MTMR3: variants seen among roughly 807,000 people sequenced by gnomAD.
MTMR3 encodes myotubularin related protein 3.
MTMR3 carries 32 observed loss-of-function variants against 132.4 expected under a neutral mutation model. The ratio of observed to expected loss-of-function variants is 0.24; its 90% CI spans 0.18 to 0.32. MTMR3 has a LOEUF of 0.32. Among genes scored for constraint, MTMR3 ranks in the 10% least tolerant of loss-of-function variants. The probability of loss-of-function intolerance (pLI) is 1.00; values close to 1 mark genes in which losing one functional copy is unlikely to be tolerated. For synonymous variants in MTMR3, 556 were observed against 550.3 expected, an observed-to-expected ratio of 1.01 and a Z score of -0.14; for missense variants, 1,216 against 1,489.6, an observed-to-expected ratio of 0.82 and a Z score of 3.02.
intron 16 of MTMR3, chr22:30,019,081 C>T (rs1350113193): frequency 5.9e-6 from 1 of 169,390 alleles, no homozygotes. Context: ...GTGGCACACA[C>T]CTATAATCCC....
chr22:29,915,322 TTTTAC>T (rs2065287891), intron 1 of MTMR3, among the ~76,000 whole-genome samples: 1 of 152,218 alleles, frequency 6.6e-6, no homozygotes, highest in South Asian at 2.1e-4. Flanking sequence ...TTTCCCATCC[TTTTAC>T]TTTTAGTCTG....
At chr22:30,025,521 G>A in intron 19 of MTMR3, 109 bp from the exon 20 acceptor site, 1 of 1,161,880 alleles carries the variant, frequency 8.6e-7, no homozygotes, top group Non-Finnish European at 1.3e-6. Flanking sequence ...ATCTCAAGGA[G>A]CTCCAGCACA....
At chr22:29,983,561 G>A (rs895297361) in intron 5 of MTMR3, 8 of 152,228 alleles carry the variant, frequency 5.3e-5, no homozygotes, top group African/African-American at 1.9e-4. Context: ...AGCAGTGCTG[G>A]AGGCTTGTAA....
intron 19 of MTMR3, chr22:30,024,184 C>G (rs552282740): frequency 6.6e-6 from 1 of 152,458 alleles, no homozygotes; most frequent in Non-Finnish European, 1.5e-5. Flanking sequence ...ATCCCAGCTC[C>G]TTGGGAGGCT....
At chr22:29,894,202 C>T (rs979264243) in intron 1 of MTMR3, among the ~76,000 whole-genome samples, 2 of 152,154 alleles carry the variant, frequency 1.3e-5, no homozygotes, top group South Asian at 4.2e-4. Context: ...AGGTTTATGT[C>T]GCACTCACCA....
At chr22:29,986,445 C>G (rs1601379960) in intron 5 of MTMR3, 1 of 508,384 alleles carries the variant, frequency 2.0e-6, no homozygotes, top group East Asian at 1.5e-4. Context: ...AATCTGTCTT[C>G]TTAATCTCAA....
Position 30,026,938 on chromosome 22 carries a change from T to G in MTMR3, c.*1137T>G, listed in dbSNP as rs2145993509. ...CCTTTGCCACTCCTGGCTGTCTGAG[T>G]GGGCACTTGTCTGGCTGCTGGCCAG... is the stretch of plus-strand genomic sequence containing the variant. On this transcript the variant is annotated 3_prime_UTR_variant, in exon 20 of 20. Coordinates refer to ENST00000401950, the MANE Select transcript of MTMR3 (RefSeq NM_021090.4). 1 of 152,846 alleles carries G rather than the reference T, an allele frequency of 6.5e-6. No homozygotes were observed. The allele number at this position is 152,846 out of a possible 1,614,324, so 9.5% of individuals were successfully genotyped here.
intron 2 of MTMR3, among the ~76,000 whole-genome samples, chr22:29,961,577 G>T (rs190173161): frequency 3.0e-4 from 45 of 152,290 alleles, no homozygotes; most frequent in Admixed American, 1.0e-3. Flanking sequence ...AGCCTCATGA[G>T]ATTAAAATGG....
At chr22:30,022,345 C>T (rs569664103) in intron 18 of MTMR3, 1 of 609,158 alleles carries the variant, frequency 1.6e-6, no homozygotes, top group Non-Finnish European at 2.9e-6. Context: ...CCTCCCTCTT[C>T]ATTGCCTCTA....
Position 30,008,036 on chromosome 22 carries a change from A to T in MTMR3, c.1009+4A>T. ...GGAGGAGGCTGCGAATGCCCAGGTG[A>T]GGTGTATGGTGCTTTGTTCCCCATA... On this transcript the variant is annotated splice_donor_region_variant and intron_variant, in intron 11 of 19. Coordinates refer to ENST00000401950, the MANE Select transcript of MTMR3 (RefSeq NM_021090.4). 2.5e-6 allele frequency: 4 copies of T among 1,612,292 alleles called. No homozygotes were observed. The highest frequency in any genetic ancestry group is 2.5e-6 in the Non-Finnish European group (3 of 1,179,818).
At chr22:29,977,694 G>GT (rs2066656947) in intron 3 of MTMR3, among the ~76,000 whole-genome samples, 2 of 152,254 alleles carry the variant, frequency 1.3e-5, no homozygotes, top group East Asian at 3.9e-4. Context: ...AGATAGTCCT[G>GT]TTTCACTTAT....
intron 1 of MTMR3, among the ~76,000 whole-genome samples, chr22:29,914,735 G>A (rs1027705994): frequency 6.6e-6 from 1 of 151,956 alleles, no homozygotes; most frequent in Non-Finnish European, 1.5e-5. Flanking sequence ...TGACATTTGG[G>A]TCTGTGAAAC....
At chr22:30,005,553 T>G (rs2067257146) in intron 9 of MTMR3, 1 of 152,176 alleles carries the variant, frequency 6.6e-6, no homozygotes, top group Non-Finnish European at 1.5e-5. Flanking sequence ...GGAGACATTT[T>G]ATAAAGAATC....
At chr22:30,025,505 G>C in intron 19 of MTMR3, 125 bp from the exon 20 acceptor site, 1 of 953,190 alleles carries the variant, frequency 1.0e-6, no homozygotes, top group Admixed American at 2.1e-5. Flanking sequence ...GAGATGAAAG[G>C]GTTTGATCTC....
intron 9 of MTMR3, chr22:30,003,224 G>C (rs1260484332): frequency 2.5e-6 from 1 of 397,772 alleles, no homozygotes; most frequent in Admixed American, 3.9e-5. Flanking sequence ...AGTTTTAGTT[G>C]TAAAGTGGCT....
chr22:30,022,622 T>C lies in MTMR3; in HGVS notation c.3350T>C (p.Leu1117Pro). 2 of 1,613,152 alleles carry C rather than the reference T, an allele frequency of 1.2e-6. No homozygotes were observed. Among genetic ancestry groups the C allele is most frequent in the East Asian group, 2.2e-5 (1 of 44,880 alleles). ...DKQDTEMTRW[L>P]PDHLAAHCYA... ...TCTGTTTTGCAGATGACCCGTTGGC[T>C]TCCTGACCACCTGGCCGCCCACTGC... The change falls in exon 19 of 20, where the codon CTT becomes CCT. Residue 1117 changes from leucine (L) to proline (P), a missense_variant. Around this residue, in one of 7 missense-constraint regions of MTMR3, gnomAD observed 852 missense variants for 852.0 expected, o/e 1.00. Transcript: ENST00000401950.
At chr22:29,933,997 T>C (rs1266117299) in intron 1 of MTMR3, among the ~76,000 whole-genome samples, 3 of 152,160 alleles carry the variant, frequency 2.0e-5, no homozygotes, top group East Asian at 3.8e-4. Flanking sequence ...GGTAGTTGAT[T>C]TATGGATAAA....
At chr22:29,941,116 C>G (rs1464795507) in intron 1 of MTMR3, among the ~76,000 whole-genome samples, 1 of 150,444 alleles carries the variant, frequency 6.6e-6, no homozygotes, top group East Asian at 1.9e-4. Context: ...TTTCCTATCA[C>G]TAAAAATTAG....
intron 1 of MTMR3, among the ~76,000 whole-genome samples, chr22:29,889,653 G>A (rs530668298): frequency 6.6e-6 from 1 of 151,796 alleles, no homozygotes; most frequent in Admixed American, 6.5e-5. Flanking sequence ...TGGATGTAAT[G>A]TTTGGTATTT....
Sources: gnomAD v4.1 joint callset for allele counts (sites outside exome capture counted in the v4.1 genomes callset) on GRCh38, gnomAD v4.1.1 for gene constraint, gnomAD v4.1.1 regional missense constraint, MANE v1.5 for transcripts, NCBI Gene and HGNC (gene_info 2026-07-23, HGNC 2026-07-21) for gene names.